Variants in PVT1 observed in about 807,000 individuals in gnomAD.
PVT1 encodes Pvt1 oncogene, also known as CXCR4/PVT1 fusion.
chr8:127,821,299 G>A (rs1156659542), intron 2 of PVT1, among the ~76,000 whole-genome samples: 1 of 152,046 alleles, frequency 6.6e-6, no homozygotes, highest in Non-Finnish European at 1.5e-5. Flanking sequence ...TTGAGCAGTC[G>A]AAATGTGCGA....
intron 4 of PVT1, among the ~76,000 whole-genome samples, chr8:127,993,227 T>C (rs1377476577): frequency 6.6e-6 from 1 of 152,222 alleles, no homozygotes; most frequent in Non-Finnish European, 1.5e-5. Context: ...TGCCCAACTT[T>C]TTTTCTTCTG....
At chr8:128,005,365 C>A (rs1563663675) in intron 4 of PVT1, among the ~76,000 whole-genome samples, 2 of 152,182 alleles carry the variant, frequency 1.3e-5, no homozygotes, top group African/African-American at 4.8e-5. Flanking sequence ...AGATTGGACA[C>A]CCCTGTCTTA....
At chr8:127,836,602 C>T in intron 2 of PVT1, among the ~76,000 whole-genome samples, 1 of 152,064 alleles carries the variant, frequency 6.6e-6, no homozygotes. Context: ...GATCCAGAGG[C>T]TGGAGGTAAT....
chr8:127,998,491 T>C (rs2130011856), intron 4 of PVT1: 1 of 152,280 alleles, frequency 6.6e-6, no homozygotes, highest in Middle Eastern at 3.4e-3. Context: ...TGACATACTT[T>C]CTTATTATGG....
intron 4 of PVT1, among the ~76,000 whole-genome samples, chr8:127,997,784 A>T (rs1817123919): frequency 6.6e-6 from 1 of 152,164 alleles, no homozygotes. Context: ...TGAAGTTGAA[A>T]CATTACTTTA....
chr8:127,980,065 A>G (rs1816866186), intron 3 of PVT1, among the ~76,000 whole-genome samples: 1 of 152,078 alleles, frequency 6.6e-6, no homozygotes, highest in Non-Finnish European at 1.5e-5. Flanking sequence ...ATATTTTTGT[A>G]GAGATGGGGT....
At chr8:127,878,717 C>T (rs896002927) in intron 2 of PVT1, among the ~76,000 whole-genome samples, 2 of 152,220 alleles carry the variant, frequency 1.3e-5, no homozygotes, top group African/African-American at 2.4e-5. Context: ...GTCATATTCC[C>T]ATAACTTTTA....
intron 5 of PVT1, among the ~76,000 whole-genome samples, chr8:128,086,836 T>G (rs1232748777): frequency 6.6e-6 from 1 of 152,238 alleles, no homozygotes; most frequent in Non-Finnish European, 1.5e-5. Context: ...GCTGCATGGC[T>G]GGCTCTCCTG....
intron 4 of PVT1, among the ~76,000 whole-genome samples, chr8:128,036,524 G>T (rs1188023290): frequency 6.6e-6 from 1 of 152,182 alleles, no homozygotes; most frequent in East Asian, 1.9e-4. Context: ...GTGGGAGGAG[G>T]CAGGGGTGCC....
At chr8:127,893,909 T>A (rs1815642191) in intron 3 of PVT1, among the ~76,000 whole-genome samples, 1 of 152,200 alleles carries the variant, frequency 6.6e-6, no homozygotes, top group South Asian at 2.1e-4. Flanking sequence ...TGGTGGGTGC[T>A]GGTGCTGCTG....
chr8:127,864,669 C>G (rs934662400), intron 2 of PVT1, among the ~76,000 whole-genome samples: 1 of 152,144 alleles, frequency 6.6e-6, no homozygotes, highest in South Asian at 2.1e-4. Flanking sequence ...TGCCTCAGCC[C>G]CCTGAGTAGC....
chr8:127,883,969 A>G (rs1420683567), intron 2 of PVT1, among the ~76,000 whole-genome samples: 3 of 152,264 alleles, frequency 2.0e-5, no homozygotes, highest in Admixed American at 6.5e-5. Flanking sequence ...TCCAGCAAAC[A>G]TATTTTCACA....
At chr8:127,868,505 G>A (rs2114355) in intron 2 of PVT1, among the ~76,000 whole-genome samples, 106,271 of 151,514 alleles carry the variant, frequency 0.7, 38,173 homozygotes, top group African/African-American at 0.87. Flanking sequence ...TTCGTGCCTC[G>A]GCTTCCAGAG....
chr8:127,876,475 A>C (rs1397419413), intron 2 of PVT1, among the ~76,000 whole-genome samples: 2 of 149,610 alleles, frequency 1.3e-5, no homozygotes, highest in African/African-American at 5.1e-5. Context: ...ACAGGTTTTT[A>C]ATACAGTGAA....
intron 3 of PVT1, among the ~76,000 whole-genome samples, chr8:127,904,144 G>A (rs1043105331): frequency 2.6e-5 from 4 of 152,076 alleles, no homozygotes; most frequent in African/African-American, 9.7e-5. Context: ...TCACCTCCTT[G>A]GTTAGAAAGT....
intron 3 of PVT1, among the ~76,000 whole-genome samples, chr8:127,980,902 A>T (rs1816876138): frequency 6.8e-6 from 1 of 147,106 alleles, no homozygotes; most frequent in African/African-American, 2.5e-5. Context: ...GGTTCAAGTG[A>T]TTCCTTGCCT....
At chr8:127,922,659 C>G (rs1003813138) in intron 3 of PVT1, among the ~76,000 whole-genome samples, 2 of 152,196 alleles carry the variant, frequency 1.3e-5, no homozygotes, top group African/African-American at 4.8e-5. Flanking sequence ...TCTTGCTCAT[C>G]CATCTGTGTC....
At position 128,088,693 on chromosome 8, in the gene PVT1, T is replaced by C. The variant is rs141802416; in HGVS notation, n.1115-7825T>C. On this transcript the variant is annotated intron_variant and non_coding_transcript_variant, in intron 5 of 10. Coordinates refer to ENST00000651587, the Ensembl canonical transcript of PVT1. ...GTGCACCTGAAAAGAATGCATCCTCTGCAGTTTGGGGATGGAGTGTTCCAT... is the reference window on the plus strand; with the variant it reads ...GTGCACCTGAAAAGAATGCATCCTCCGCAGTTTGGGGATGGAGTGTTCCAT... Among the ~76,000 whole-genome samples the C allele has an allele frequency of 3.4e-3, 515 of 152,346 alleles. 2 individuals are homozygous for C. Among genetic ancestry groups the C allele is most frequent in the Admixed American group, 5.6e-3 (85 of 15,304 alleles).
At chr8:127,971,411 C>G (rs887913300) in intron 3 of PVT1, among the ~76,000 whole-genome samples, 5 of 152,220 alleles carry the variant, frequency 3.3e-5, no homozygotes, top group African/African-American at 1.2e-4. Context: ...AGTACATGAT[C>G]TGTTAGGGAT....
Sources: allele counts gnomAD v4.1 joint callset (sites outside exome capture counted in the v4.1 genomes callset), GRCh38; gene constraint gnomAD v4.1.1; transcripts MANE v1.5; gene names NCBI Gene and HGNC (gene_info 2026-07-23, HGNC 2026-07-21).